DLGAP2: variants seen among roughly 807,000 people sequenced by gnomAD.
DLGAP2 encodes DLG associated protein 2.
Under a neutral mutation model 100.3 loss-of-function variants are expected in DLGAP2, and 26 were observed. That is an observed-to-expected ratio of 0.26 (90% CI 0.19 to 0.36). The LOEUF is 0.36. Among genes scored for constraint, DLGAP2 ranks in the 10% least tolerant of loss-of-function variants. The probability of loss-of-function intolerance (pLI) is 1.00; values close to 1 mark genes in which losing one functional copy is unlikely to be tolerated. For synonymous variants in DLGAP2, 886 were observed against 630.1 expected (o/e 1.41, Z -6.08); for missense variants, 1,858 against 1,453.2 (o/e 1.28, Z -4.53).
intron 2 of DLGAP2, among the ~76,000 whole-genome samples, chr8:1,162,042 G>A (rs1033139817): frequency 1.3e-5 from 2 of 152,232 alleles, no homozygotes; most frequent in Non-Finnish European, 2.9e-5. Flanking sequence ...CCTGTGAGGG[G>A]AGCCCGGAGC....
chr8:947,131 G>T (rs541716629), intron 2 of DLGAP2, among the ~76,000 whole-genome samples: 3 of 152,310 alleles, frequency 2.0e-5, no homozygotes, highest in South Asian at 2.1e-4. Flanking sequence ...CTGCCAGGAA[G>T]ACTGTCTTTC....
At position 1,328,157 on chromosome 8, in the gene DLGAP2, A is replaced by G. The variant is rs891959050; in HGVS notation, c.106+69274A>G. Among the ~76,000 whole-genome samples the G allele has an allele frequency of 9.9e-5, 15 of 152,118 alleles. No homozygotes were observed. The South Asian group carries it at 1.5e-3, about 15-fold the overall frequency. ...CAGGTTCAAGCTATTCTCCTGCCTCAGCCTCCCAAGTAGCCGGGACTACAG... is the reference window on the plus strand; with the variant it reads ...CAGGTTCAAGCTATTCTCCTGCCTCGGCCTCCCAAGTAGCCGGGACTACAG... On this transcript the variant is annotated intron_variant, in intron 3 of 14. Transcript: ENST00000637795.
intron 3 of DLGAP2, among the ~76,000 whole-genome samples, chr8:1,467,041 TG>T (rs1403082625): frequency 6.9e-6 from 1 of 144,420 alleles, no homozygotes; most frequent in Admixed American, 6.7e-5. Context: ...GATGGGATTT[TG>T]CCGGGTGATA....
At chr8:1,481,157 G>C (rs1799081445) in intron 3 of DLGAP2, among the ~76,000 whole-genome samples, 1 of 151,936 alleles carries the variant, frequency 6.6e-6, no homozygotes, top group Non-Finnish European at 1.5e-5. Flanking sequence ...TGGTGACAGA[G>C]CGAGACCCCA....
At chr8:1,306,219 G>C (rs903062195) in intron 3 of DLGAP2, among the ~76,000 whole-genome samples, 1 of 151,448 alleles carries the variant, frequency 6.6e-6, no homozygotes, top group Non-Finnish European at 1.5e-5. Flanking sequence ...CCTACACAAG[G>C]GTATAAAAAA....
At chr8:970,628 T>A (rs1242435340) in intron 2 of DLGAP2, among the ~76,000 whole-genome samples, 1 of 152,242 alleles carries the variant, frequency 6.6e-6, no homozygotes, top group Non-Finnish European at 1.5e-5. Context: ...AAACCAAGGC[T>A]TTTTTCTTCT....
chr8:1,584,839 T>A (rs1311643600), intron 6 of DLGAP2, among the ~76,000 whole-genome samples: 1 of 152,192 alleles, frequency 6.6e-6, no homozygotes, highest in Non-Finnish European at 1.5e-5. Flanking sequence ...TATCTTACCT[T>A]ACATCTCTTC....
intron 2 of DLGAP2, among the ~76,000 whole-genome samples, chr8:1,154,826 G>C (rs751027774): frequency 1.3e-5 from 2 of 152,180 alleles, no homozygotes; most frequent in Non-Finnish European, 2.9e-5. Context: ...CAAAGGCCCG[G>C]GGTGCCTTGG....
rs1019413381 is a variant in DLGAP2, at chr8:1,357,559, C to T, written c.106+98676C>T. 3.3e-5 allele frequency among the ~76,000 whole-genome samples: 5 copies of T among 152,210 alleles called. No homozygotes were observed. The East Asian group carries it at 9.6e-4, about 29-fold the overall frequency. Reference sequence around the variant, plus strand: ...CAAATATTTCCCGCCTCACAGGTGCCCTGGTATTTTAGTGCAGAAAATATT... The same window carrying T: ...CAAATATTTCCCGCCTCACAGGTGCTCTGGTATTTTAGTGCAGAAAATATT... On this transcript the variant is annotated intron_variant, in intron 3 of 14. Coordinates refer to ENST00000637795, the MANE Select transcript of DLGAP2 (RefSeq NM_001346810.2).
chr8:771,196 A>G (rs1821348868), intron 1 of DLGAP2, among the ~76,000 whole-genome samples: 1 of 152,196 alleles, frequency 6.6e-6, no homozygotes, highest in Non-Finnish European at 1.5e-5. Flanking sequence ...AATCATGCAT[A>G]TTGCTACTTT....
At chr8:1,052,563 C>T (rs530835272) in intron 2 of DLGAP2, among the ~76,000 whole-genome samples, 23 of 152,216 alleles carry the variant, frequency 1.5e-4, no homozygotes, top group African/African-American at 5.5e-4. Flanking sequence ...GACTCACAGG[C>T]AGGGTCCCTG....
chr8:1,064,222 T>C (rs749012710), intron 2 of DLGAP2, among the ~76,000 whole-genome samples: 1 of 152,188 alleles, frequency 6.6e-6, no homozygotes, highest in African/African-American at 2.4e-5. Context: ...CTGCAAGTAA[T>C]GAATATTGCT....
chr8:912,234 A>G (rs112656683), intron 2 of DLGAP2, among the ~76,000 whole-genome samples: 2 of 152,178 alleles, frequency 1.3e-5, no homozygotes, highest in Non-Finnish European at 2.9e-5. Flanking sequence ...CGGGAGTACT[A>G]TGTTTGGTTT....
chr8:1,559,488 T>C (rs1327143513), intron 5 of DLGAP2, among the ~76,000 whole-genome samples: 9 of 152,314 alleles, frequency 5.9e-5, no homozygotes, highest in African/African-American at 1.9e-4. Flanking sequence ...TGCTTTGAAA[T>C]TGACTCTGGT....
intron 3 of DLGAP2, among the ~76,000 whole-genome samples, chr8:1,409,029 C>T (rs1796653087): frequency 1.3e-5 from 2 of 152,246 alleles, no homozygotes; most frequent in African/African-American, 4.8e-5. Flanking sequence ...GCAGCATTGC[C>T]TCAGTTCCAG....
At position 1,701,329 on chromosome 8, in the gene DLGAP2, TCC is replaced by T; in HGVS notation, c.3092_3093del (p.Ser1031PhefsTer58). 1 of 1,591,524 alleles carries T rather than the reference TCC, an allele frequency of 6.3e-7. No homozygotes were observed. Among genetic ancestry groups the T allele is most frequent in the Non-Finnish European group, 8.5e-7 (1 of 1,169,752 alleles). On this transcript the variant is annotated frameshift_variant, in exon 15 of 15. Coordinates refer to ENST00000637795, the MANE Select transcript of DLGAP2 (RefSeq NM_001346810.2). LOFTEE classifies it high-confidence loss of function. Reference sequence around the variant, plus strand: ...CCTCATGGCCGCCAAGCGAGCGGCGTCCTTCCGGCAGAATTCCGCCTCCGAGC... The same window carrying T: ...CCTCATGGCCGCCAAGCGAGCGGCGTTTCCGGCAGAATTCCGCCTCCGAGC... ...RRLMAAKRAASFRQNSASERA... is the reference protein window; with the variant it reads ...RRLMAAKRAAXFRQNSASERA...
At chr8:972,062 T>C (rs760186244) in intron 2 of DLGAP2, among the ~76,000 whole-genome samples, 2 of 152,218 alleles carry the variant, frequency 1.3e-5, no homozygotes, top group Admixed American at 6.5e-5. Context: ...AGAAGTCATC[T>C]TGGGGAAACC....
intron 4 of DLGAP2, among the ~76,000 whole-genome samples, chr8:1,502,278 G>C (rs899576372): frequency 7.9e-5 from 12 of 152,236 alleles, no homozygotes; most frequent in Non-Finnish European, 1.6e-4. Context: ...CGGATCATAA[G>C]TTCAATTTAT....
intron 2 of DLGAP2, among the ~76,000 whole-genome samples, chr8:1,190,969 G>A (rs931180936): frequency 2.0e-5 from 3 of 152,152 alleles, no homozygotes; most frequent in Non-Finnish European, 2.9e-5. Context: ...CAGCGAGGGG[G>A]GTGGGTGAGG....
Sources: allele counts gnomAD v4.1 joint callset (sites outside exome capture counted in the v4.1 genomes callset), GRCh38; gene constraint gnomAD v4.1.1; transcripts MANE v1.5; gene names NCBI Gene and HGNC (gene_info 2026-07-23, HGNC 2026-07-21).